The following TTC29 variants were observed in gnomAD, a reference collection of about 807,000 sequenced individuals.
TTC29 encodes the protein tetratricopeptide repeat domain 29.
A neutral mutation model predicts 58.1 loss-of-function variants in TTC29; 49 were observed. The ratio of observed to expected loss-of-function variants is 0.84; its 90% CI spans 0.67 to 1.07. The LOEUF (loss-of-function observed/expected upper bound fraction) is 1.07. Ranked by LOEUF, TTC29 falls within the 50% of genes least tolerant of loss-of-function variation. The pLI is 0.00. For synonymous variants in TTC29, 209 were observed against 196.8 expected, an observed-to-expected ratio of 1.06 and a Z score of -0.52; for missense variants, 582 against 555.6, an observed-to-expected ratio of 1.05 and a Z score of -0.48.
Position 146,762,458 on chromosome 4 carries a change from G to T in TTC29, c.1330+40999C>A, listed in dbSNP as rs557862806. ...TCCCACTGCTGTTACAGTCAACAAAGAATCATCTCCTTGGATAACGTATAT... is the reference window on the plus strand; with the variant it reads ...TCCCACTGCTGTTACAGTCAACAAATAATCATCTCCTTGGATAACGTATAT... On this transcript the variant is annotated intron_variant, in intron 11 of 12. Coordinates refer to ENST00000325106, the MANE Select transcript of TTC29 (RefSeq NM_031956.4). Among the ~76,000 whole-genome samples the T allele has an allele frequency of 1.3e-3, 197 of 150,208 alleles. 1 individual carries two copies. The highest frequency in any genetic ancestry group is 4.5e-3 in the African/African-American group (186 of 40,934).
intron 8 of TTC29, among the ~76,000 whole-genome samples, chr4:146,858,729 T>C (rs1386536752): frequency 6.6e-6 from 1 of 152,220 alleles, no homozygotes. Context: ...CTCACAAGGC[T>C]GTCCTGAGTT....
chr4:146,894,768 T>C (rs1283520791), intron 6 of TTC29, among the ~76,000 whole-genome samples: 2 of 152,166 alleles, frequency 1.3e-5, no homozygotes, highest in Non-Finnish European at 2.9e-5. Flanking sequence ...ACTAATATAG[T>C]CTGTATGCTG....
intron 7 of TTC29, among the ~76,000 whole-genome samples, chr4:146,868,085 T>G (rs1730682260): frequency 6.6e-6 from 1 of 152,178 alleles, no homozygotes; most frequent in Non-Finnish European, 1.5e-5. Context: ...TAACTGCAGA[T>G]AATTCACAAA....
At chr4:146,838,307 G>T (rs80199895) in intron 8 of TTC29, among the ~76,000 whole-genome samples, 1 of 151,946 alleles carries the variant, frequency 6.6e-6, no homozygotes, top group Non-Finnish European at 1.5e-5. Context: ...TTGAAGAAGT[G>T]TTGTTGTAAA....
At chr4:146,757,838 A>C (rs1265075818) in intron 11 of TTC29, among the ~76,000 whole-genome samples, 2 of 152,180 alleles carry the variant, frequency 1.3e-5, no homozygotes, top group Non-Finnish European at 2.9e-5. Flanking sequence ...CAAATCCTGG[A>C]AACACATCAA....
At chr4:146,769,942 T>C (rs1400107047) in intron 11 of TTC29, among the ~76,000 whole-genome samples, 1 of 152,038 alleles carries the variant, frequency 6.6e-6, no homozygotes, top group African/African-American at 2.4e-5. Context: ...TCCCCTTAAG[T>C]AGGCAGGCTA....
At chr4:146,727,418 GA>G (rs1185630535) in intron 11 of TTC29, among the ~76,000 whole-genome samples, 1 of 152,096 alleles carries the variant, frequency 6.6e-6, no homozygotes, top group Non-Finnish European at 1.5e-5. Flanking sequence ...TTTGGGTTTT[GA>G]AAAATATATA....
Position 146,931,646 on chromosome 4 carries a change from C to T in TTC29, c.176+5948G>A, listed in dbSNP as rs149697912. Among the ~76,000 whole-genome samples, 450 of 152,294 alleles carry T rather than the reference C, an allele frequency of 3.0e-3. 1 individual carries two copies. Among genetic ancestry groups the T allele is most frequent in the African/African-American group, 9.9e-3 (412 of 41,558 alleles). On this transcript the variant is annotated intron_variant, in intron 4 of 12. Transcript: ENST00000325106. ...ATAGCCAGAGCTGCTAGTCATGATTCCCATGCTTTCCTCTTAGAGACATCT... is the reference window on the plus strand; with the variant it reads ...ATAGCCAGAGCTGCTAGTCATGATTTCCATGCTTTCCTCTTAGAGACATCT...
intron 10 of TTC29, among the ~76,000 whole-genome samples, chr4:146,815,874 C>T (rs1751365285): frequency 6.6e-6 from 1 of 152,184 alleles, no homozygotes; most frequent in African/African-American, 2.4e-5. Flanking sequence ...CTCCAAACAA[C>T]ACCCAAACCC....
At chr4:146,901,981 T>C (rs966958437) in intron 6 of TTC29, among the ~76,000 whole-genome samples, 3 of 152,242 alleles carry the variant, frequency 2.0e-5, no homozygotes, top group Admixed American at 1.3e-4. Flanking sequence ...ACCTATTTCA[T>C]GACTGCACAG....
rs556069256 is a variant in TTC29, at chr4:146,942,120, A to G, written c.-6-2219T>C. 4.6e-4 allele frequency among the ~76,000 whole-genome samples: 70 copies of G among 152,354 alleles called. No individual in the cohort carries two copies. In the Middle Eastern group the frequency reaches 0.014, roughly 30 times the overall value. ...ATAATTTTTTACATAATTAAAGAGA[A>G]TTCTAATGGAGATCAGTGGTTTATT... On this transcript the variant is annotated intron_variant, in intron 2 of 12. Transcript: ENST00000325106.
chr4:146,774,371 T>A (rs767536125), intron 11 of TTC29, among the ~76,000 whole-genome samples: 4 of 152,172 alleles, frequency 2.6e-5, no homozygotes, highest in Non-Finnish European at 5.9e-5. Flanking sequence ...GTTCAGCCTA[T>A]AAACTTCCCA....
At chr4:146,912,555 G>T (rs1369369096) in intron 4 of TTC29, among the ~76,000 whole-genome samples, 1 of 152,116 alleles carries the variant, frequency 6.6e-6, no homozygotes, top group African/African-American at 2.4e-5. Flanking sequence ...AGAAACTGCC[G>T]AATTGGACTG....
intron 10 of TTC29, among the ~76,000 whole-genome samples, chr4:146,814,774 C>T (rs1751284537): frequency 6.7e-6 from 1 of 149,448 alleles, no homozygotes; most frequent in South Asian, 2.2e-4. Context: ...ACTTGATGGC[C>T]ATTCTTTCGT....
At chr4:146,940,887 C>T (rs2150339003) in intron 2 of TTC29, among the ~76,000 whole-genome samples, 1 of 152,300 alleles carries the variant, frequency 6.6e-6, no homozygotes, top group East Asian at 1.9e-4. Context: ...ATAACAAGTT[C>T]ACCCAGATTC....
At chr4:146,764,586 C>T (rs1335124788) in intron 11 of TTC29, among the ~76,000 whole-genome samples, 7 of 151,876 alleles carry the variant, frequency 4.6e-5, no homozygotes, top group Non-Finnish European at 4.4e-5. Context: ...TAGGAGCGTA[C>T]CCATACATAG....
chr4:146,849,951 C>T (rs1441697776), intron 8 of TTC29, among the ~76,000 whole-genome samples: 1 of 152,198 alleles, frequency 6.6e-6, no homozygotes, highest in Non-Finnish European at 1.5e-5. Context: ...TTCCCTCCAC[C>T]CTACCTCTTG....
chr4:146,857,075 A>C lies in TTC29; in HGVS notation c.885+10423T>G, dbSNP rs571465568. On this transcript the variant is annotated intron_variant, in intron 8 of 12. Transcript: ENST00000325106. Reference sequence around the variant, plus strand: ...GAATATATTTTTATACTATGCCTTAAGATTATATAATAATTCTGAATAAGA... The same window carrying C: ...GAATATATTTTTATACTATGCCTTACGATTATATAATAATTCTGAATAAGA... Among the ~76,000 whole-genome samples, 8 of 118,582 alleles carry C rather than the reference A, an allele frequency of 6.7e-5. No homozygotes were observed. The East Asian group carries it at 2.2e-3, about 33-fold the overall frequency. 77.8% of individuals were successfully genotyped at this position (118,582 alleles called of 152,430 possible).
intron 6 of TTC29, among the ~76,000 whole-genome samples, chr4:146,892,863 A>C (rs1158597022): frequency 6.6e-6 from 1 of 152,216 alleles, no homozygotes; most frequent in African/African-American, 2.4e-5. Context: ...AGTGTGCAAA[A>C]ATCACAAGCA....
Sources: gnomAD v4.1 joint callset for allele counts (sites outside exome capture counted in the v4.1 genomes callset) on GRCh38, gnomAD v4.1.1 for gene constraint, MANE v1.5 for transcripts, NCBI Gene and HGNC (gene_info 2026-07-23, HGNC 2026-07-21) for gene names.